Variants in CFAP70 observed in about 807,000 individuals in gnomAD.
CFAP70 encodes the protein cilia- and flagella-associated protein 70.
In CFAP70, 81 loss-of-function variants were observed where a neutral mutation model predicts 137.6. The observed-to-expected ratio is 0.59, with a 90% CI of 0.49 to 0.71. CFAP70 has a LOEUF of 0.71. Among genes scored for constraint, CFAP70 ranks in the 30% least tolerant of loss-of-function variants. CFAP70 has a pLI of 0.00. For missense variants in CFAP70, 976 were observed against 1,226.7 expected (o/e 0.80, Z 3.05); for synonymous variants, 382 against 423.6 (o/e 0.90, Z 1.20).
At chr10:73,344,102 ACAGGCACCCACCACCATACC>A (rs1394481999) in intron 5 of CFAP70, among the ~76,000 whole-genome samples, 1 of 152,044 alleles carries the variant, frequency 6.6e-6, no homozygotes, top group Non-Finnish European at 1.5e-5. Context: ...AGCTGGGATT[ACAGGCACCCACCACCATACC>A]CAGCTAATTT....
intron 1 of CFAP70, 195 bp downstream of exon 1, chr10:73,358,583 A>G (rs1275621086): frequency 4.6e-5 from 7 of 152,374 alleles, no homozygotes; most frequent in African/African-American, 1.7e-4. Context: ...TTTTCGGTCT[A>G]AATATCGGGG....
intron 9 of CFAP70, among the ~76,000 whole-genome samples, 199 bp downstream of exon 10, chr10:73,322,764 A>C (rs2050992202): frequency 6.6e-6 from 1 of 152,156 alleles, no homozygotes; most frequent in Non-Finnish European, 1.5e-5. Flanking sequence ...ATAGAGATTT[A>C]GGTTTTCAGT....
At chr10:73,307,659 A>T (rs1222287691) in intron 12 of CFAP70, among the ~76,000 whole-genome samples, 1 of 152,192 alleles carries the variant, frequency 6.6e-6, no homozygotes, top group Non-Finnish European at 1.5e-5. Context: ...ACAGCAATAA[A>T]ATACAACATT....
chr10:73,351,071 G>GTGTGTATATA (rs1422420902), intron 3 of CFAP70, among the ~76,000 whole-genome samples: 4 of 31,392 alleles, frequency 1.3e-4, no homozygotes, highest in Non-Finnish European at 2.0e-4. Context: ...GTGTGTGTGT[G>GTGTGTATATA]TATATATATA....
intron 25 of CFAP70, among the ~76,000 whole-genome samples, chr10:73,258,362 A>G (rs530729376): frequency 6.6e-6 from 1 of 152,320 alleles, no homozygotes; most frequent in East Asian, 1.9e-4. Context: ...TGAAGATTTC[A>G]TGGACATTTA....
At chr10:73,293,341 G>C (rs1219513943) in exon 16 of CFAP70, 1 of 1,611,896 alleles carries the variant, frequency 6.2e-7, no homozygotes, top group Non-Finnish European at 8.5e-7. Flanking sequence ...GCTGTTCACT[G>C]CTTGTATAAA....
chr10:73,276,100 A>G (rs1294817867), intron 21 of CFAP70: 7 of 140,164 alleles, frequency 5.0e-5, no homozygotes, highest in Admixed American at 4.9e-4. Context: ...CAATTTTTGT[A>G]TTTTGTTTTT....
At position 73,309,923 on chromosome 10, in the gene CFAP70, G is replaced by T. The variant is rs569506721; in HGVS notation, c.1256+235C>A. On this transcript the variant is annotated intron_variant, in intron 12 of 26. Coordinates refer to ENST00000310715, the Ensembl canonical transcript of CFAP70. ...CCCCCCCACCTTGGCCTCCCAAACTGCTAGGATTACAGGCATGAGCCACCG... is the reference window on the plus strand; with the variant it reads ...CCCCCCCACCTTGGCCTCCCAAACTTCTAGGATTACAGGCATGAGCCACCG... Among the ~76,000 whole-genome samples, 4 of 152,128 alleles carry T rather than the reference G, an allele frequency of 2.6e-5. No homozygotes were observed. The South Asian group carries it at 6.2e-4, about 24-fold the overall frequency.
rs1036122776 is a variant in CFAP70 at position 73,331,024 on chromosome 10, C to A, written c.777+153G>T. Among the ~76,000 whole-genome samples, 3 of 152,300 alleles carry A rather than the reference C, an allele frequency of 2.0e-5. No individual in the cohort carries two copies. In the South Asian group the frequency reaches 6.2e-4, roughly 32 times the overall value. On this transcript the variant is annotated intron_variant, in intron 8 of 26. Transcript: ENST00000310715. ...GGACATGAGACTTTCAGTGCTAAAA[C>A]AAGTGACATTCAAGGCAAATCAGAA...
At chr10:73,290,061 G>A (rs1309396007) in intron 19 of CFAP70, among the ~76,000 whole-genome samples, 160 of 130,926 alleles carry the variant, frequency 1.2e-3, no homozygotes, top group East Asian at 4.4e-3. Context: ...AAAAAAAAAA[G>A]ACTTGTAGAT....
chr10:73,253,893 C>A, exon 27 of CFAP70: 2 of 1,116,134 alleles, frequency 1.8e-6, no homozygotes, highest in Non-Finnish European at 2.6e-6. Context: ...CGTTCTCCAG[C>A]TCCAGGCTTC....
intron 1 of CFAP70, among the ~76,000 whole-genome samples, chr10:73,355,040 G>A (rs2054561298): frequency 6.6e-6 from 1 of 152,226 alleles, no homozygotes; most frequent in African/African-American, 2.4e-5. Flanking sequence ...CGCTAAAGAT[G>A]TTTATACAGG....
chr10:73,312,334 C>A (rs2049983029), intron 10 of CFAP70, 139 bp downstream of exon 11: 1 of 673,638 alleles, frequency 1.5e-6, no homozygotes, highest in Non-Finnish European at 2.5e-6. Flanking sequence ...CCTGCACATT[C>A]TGCACATGTA....
chr10:73,291,814 A>C, intron 17 of CFAP70, 59 bp from the exon 19 acceptor site: 1 of 1,613,392 alleles, frequency 6.2e-7, no homozygotes, highest in Non-Finnish European at 8.5e-7. Flanking sequence ...TTATGGAACC[A>C]AGACAATTTC....
intron 25 of CFAP70, among the ~76,000 whole-genome samples, chr10:73,268,753 G>C (rs2045993131): frequency 1.3e-5 from 2 of 151,630 alleles, no homozygotes; most frequent in Non-Finnish European, 2.9e-5. Flanking sequence ...GAGTGCAGTG[G>C]CACAATCTCA....
At chr10:73,354,411 T>C (rs887185378) in intron 2 of CFAP70, among the ~76,000 whole-genome samples, 1 of 152,200 alleles carries the variant, frequency 6.6e-6, no homozygotes, top group African/African-American at 2.4e-5. Flanking sequence ...ATTAATCAAA[T>C]AGAATTAATC....
intron 19 of CFAP70, among the ~76,000 whole-genome samples, chr10:73,286,438 C>T (rs113304586): frequency 2.6e-5 from 4 of 151,872 alleles, no homozygotes; most frequent in African/African-American, 7.3e-5. Flanking sequence ...AGTGAGACAC[C>T]GTCTCAAAAA....
intron 19 of CFAP70, among the ~76,000 whole-genome samples, chr10:73,283,507 G>A (rs1437803834): frequency 3.4e-5 from 5 of 148,852 alleles, no homozygotes; most frequent in African/African-American, 5.0e-5. Context: ...ATCTTAAAAA[G>A]CTGTGTTGTT....
chr10:73,342,615 A>C (rs972601254), intron 5 of CFAP70, among the ~76,000 whole-genome samples: 1 of 152,228 alleles, frequency 6.6e-6, no homozygotes, highest in Non-Finnish European at 1.5e-5. Flanking sequence ...ACTGGAAAAG[A>C]TAAATAAATG....
Sources: gnomAD v4.1 joint callset for allele counts (sites outside exome capture counted in the v4.1 genomes callset) on GRCh38, gnomAD v4.1.1 for gene constraint, MANE v1.5 for transcripts, NCBI Gene and HGNC (gene_info 2026-07-23, HGNC 2026-07-21) for gene names.